Variants in HINT3 observed in about 807,000 individuals in gnomAD.
The protein encoded by HINT3 is histidine triad nucleotide binding protein 3.
In HINT3, 16 loss-of-function variants were observed where a neutral mutation model predicts 19.1. The observed-to-expected ratio is 0.84, with a 90% CI of 0.57 to 1.27. HINT3 has a LOEUF of 1.27. HINT3 is among the 50% of genes most tolerant of loss of function. HINT3 has a pLI of 0.00. For synonymous variants in HINT3, 75 were observed against 84.8 expected (o/e 0.88, Z 0.63); for missense variants, 197 against 225.8 (o/e 0.87, Z 0.82).
Position 125,979,917 on chromosome 6 carries a change from G to C in HINT3, c.*2241G>C, listed in dbSNP as rs1789227234. 1 of 152,258 alleles carries C rather than the reference G, an allele frequency of 6.6e-6. No individual in the cohort carries two copies. The highest frequency in any genetic ancestry group is 6.5e-5 in the Admixed American group (1 of 15,276). 9.4% of individuals were successfully genotyped at this position (152,258 alleles called of 1,614,324 possible). Reference sequence around the variant, plus strand: ...ATCAGACGAGATCGGGCGCGTTCAGGGTGGTATGGCCGTAGACAACCTATT... The same window carrying C: ...ATCAGACGAGATCGGGCGCGTTCAGCGTGGTATGGCCGTAGACAACCTATT... On this transcript the variant is annotated 3_prime_UTR_variant, in exon 5 of 5. Transcript: ENST00000229633.
At chr6:125,962,165 T>TATATATATATATATATATATACAC (rs1426106038) in intron 1 of HINT3, among the ~76,000 whole-genome samples, 19 of 10,592 alleles carry the variant, frequency 1.8e-3, no homozygotes, top group Non-Finnish European at 2.3e-3. Flanking sequence ...TATATACACA[T>TATATATATATATATATATATACAC]ATATATATAT....
At chr6:125,961,643 G>A (rs996954018) in intron 1 of HINT3, among the ~76,000 whole-genome samples, 1 of 152,178 alleles carries the variant, frequency 6.6e-6, no homozygotes, top group African/African-American at 2.4e-5. Flanking sequence ...ATAGCCCAAA[G>A]TATGGGGAAA....
At chr6:125,976,358 T>C (rs1789178305) in intron 4 of HINT3, among the ~76,000 whole-genome samples, 2 of 151,848 alleles carry the variant, frequency 1.3e-5, no homozygotes, top group Non-Finnish European at 2.9e-5. Flanking sequence ...CTGTAGTGAG[T>C]GATCATGCCA....
In HINT3 at chr6:125,957,112, C is replaced by T. The variant is rs1357596902; in HGVS notation, c.135C>T (p.Asp45=). The T allele has an allele frequency of 2.6e-6, 4 of 1,550,756 alleles. No individual in the cohort carries two copies. The highest frequency in any genetic ancestry group is 3.5e-6 in the Non-Finnish European group (4 of 1,146,842). Residue 45 remains aspartate, a synonymous_variant, in exon 1 of 5, where the codon GAC becomes GAT. Transcript: ENST00000229633. ...AGTCACCAGAGCCCAAGGACTACGA[C>T]AGCACCTGCGTGTTCTGCCGGATCG... ...AGKSPEPKDY[D]STCVFCRIAG... is the part of the protein sequence containing the mutation.
At chr6:125,964,973 A>G (rs1788999023) in intron 1 of HINT3, among the ~76,000 whole-genome samples, 1 of 152,116 alleles carries the variant, frequency 6.6e-6, no homozygotes. Context: ...AAGTTTCTAT[A>G]TTTTTGAGAG....
chr6:125,972,896 A>G (rs972819826), intron 3 of HINT3, among the ~76,000 whole-genome samples: 3 of 151,790 alleles, frequency 2.0e-5, no homozygotes, highest in South Asian at 4.2e-4. Context: ...CAGCAAATCT[A>G]CTTTTCTTTG....
chr6:125,964,370 T>C (rs1788987255), intron 1 of HINT3, among the ~76,000 whole-genome samples: 1 of 148,976 alleles, frequency 6.7e-6, no homozygotes, highest in Non-Finnish European at 1.5e-5. Context: ...AAATCTAGCA[T>C]CCATTCTCTT....
At position 125,967,049 on chromosome 6, in the gene HINT3, G is replaced by C. The variant is rs1377415878; in HGVS notation, c.319+45G>C. The C allele has an allele frequency of 2.5e-6, 3 of 1,193,752 alleles. No individual in the cohort carries two copies. In the South Asian group the frequency reaches 3.9e-5, roughly 15 times the overall value. The allele number at this position is 1,193,752 out of a possible 1,614,324, so 73.9% of individuals were successfully genotyped here. A position where few individuals can be genotyped will look rare whatever the true frequency, so the allele number is the denominator to read the frequency against. ...CTTCATGTTTATATCATTTTCAGTT[G>C]GTATCAGTGATGGCAGTGAAGATTA... On this transcript the variant is annotated intron_variant, in intron 2 of 4. Coordinates refer to ENST00000229633, the MANE Select transcript of HINT3 (RefSeq NM_138571.5).
At chr6:125,961,717 C>G (rs1788929636) in intron 1 of HINT3, among the ~76,000 whole-genome samples, 1 of 152,170 alleles carries the variant, frequency 6.6e-6, no homozygotes, top group South Asian at 2.1e-4. Flanking sequence ...ATGAGTTCAG[C>G]TATTCAGAAG....
intron 3 of HINT3, among the ~76,000 whole-genome samples, chr6:125,974,104 T>A (rs1250259408): frequency 6.6e-6 from 1 of 152,220 alleles, no homozygotes; most frequent in African/African-American, 2.4e-5. Flanking sequence ...TTCCACTCAC[T>A]GATACCTTGA....
In HINT3 at chr6:125,977,659, G is replaced by GA. The variant is rs773941060; in HGVS notation, c.537dup (p.Leu180ThrfsTer19). 5.3e-6 allele frequency: 8 copies of GA among 1,517,598 alleles called. No homozygotes were observed. The highest frequency in any genetic ancestry group is 6.3e-6 in the Non-Finnish European group (7 of 1,116,266). The allele number at this position is 1,517,598 out of a possible 1,614,324, so 94.0% of individuals were successfully genotyped here. A position where few individuals can be genotyped will look rare whatever the true frequency, so the allele number is the denominator to read the frequency against. On this transcript the variant is annotated frameshift_variant, in exon 5 of 5. Coordinates refer to ENST00000229633, the MANE Select transcript of HINT3 (RefSeq NM_138571.5). LOFTEE classifies it high-confidence loss of function. ...TTAATTACAGGCTGATCACTTGATTGAAAAACTAAGAACATGAAAATGTCA... is the reference window on the plus strand; with the variant it reads ...TTAATTACAGGCTGATCACTTGATTGAAAAAACTAAGAACATGAAAATGTCA...
At chr6:125,961,155 C>T (rs1321599192) in intron 1 of HINT3, among the ~76,000 whole-genome samples, 2 of 152,104 alleles carry the variant, frequency 1.3e-5, no homozygotes, top group African/African-American at 2.4e-5. Context: ...AAGACATGAT[C>T]AGTACTTTCA....
rs1331925405 is a variant in HINT3, at chr6:125,957,047, A to G, written c.70A>G (p.Thr24Ala). Residue 24 changes from threonine (T) to alanine (A), a missense_variant, in exon 1 of 5, where the codon ACT becomes GCT. Coordinates refer to ENST00000229633, the MANE Select transcript of HINT3 (RefSeq NM_138571.5). The stretch of plus-strand genomic sequence containing the variant: ...CTGTGAGGCCTCGGCGACTGCAGAA[A>G]CTACGGTTTCCTCAGTGGGGACCTG... Reference protein sequence around the residue: ...PDCEASATAETTVSSVGTCEA... With the variant: ...PDCEASATAEATVSSVGTCEA... The G allele has an allele frequency of 6.4e-7, 1 of 1,550,798 alleles. No homozygotes were observed.
intron 1 of HINT3, among the ~76,000 whole-genome samples, chr6:125,962,299 TATATATATC>T: frequency 2.7e-5 from 1 of 37,528 alleles, no homozygotes; most frequent in Non-Finnish European, 4.1e-5. Context: ...CATATATATA[TATATATATC>T]ACACATATAT....
rs748153797 is a variant in HINT3 at position 125,977,651 on chromosome 6, A to G, written c.524A>G (p.His175Arg). The G allele has an allele frequency of 6.7e-7, 1 of 1,500,652 alleles. No homozygotes were observed. The allele number at this position is 1,500,652 out of a possible 1,614,324, so 93.0% of individuals were successfully genotyped here. A position where few individuals can be genotyped will look rare whatever the true frequency, so the allele number is the denominator to read the frequency against. ...TATGTTTTTTAATTACAGGCTGATC[A>G]CTTGATTGAAAAACTAAGAACATGA... ...VNSYWFITAD[H>R]LIEKLRT The change falls in exon 5 of 5, where the codon CAC becomes CGC. Residue 175 changes from histidine to arginine, a missense_variant. His to Arg is a conservative substitution (Grantham distance 29). Transcript: ENST00000229633.
At chr6:125,976,517 G>A (rs1366836211) in intron 4 of HINT3, among the ~76,000 whole-genome samples, 1 of 113,100 alleles carries the variant, frequency 8.8e-6, no homozygotes, top group Non-Finnish European at 1.9e-5. Context: ...GCTGGTTTGG[G>A]TTTTTTTTTT....
intron 4 of HINT3, among the ~76,000 whole-genome samples, chr6:125,975,581 G>T (rs1583592238): frequency 7.0e-6 from 1 of 143,616 alleles, no homozygotes; most frequent in African/African-American, 2.6e-5. Flanking sequence ...TGGCTGAAGA[G>T]TTGTTTTTTT....
chr6:125,974,754 T>G, intron 3 of HINT3, 93 bp from the exon 4 acceptor site: 1 of 1,258,792 alleles, frequency 7.9e-7, no homozygotes, highest in Non-Finnish European at 1.1e-6. Context: ...TAGGTACTTA[T>G]TTTGGATCTC....
In HINT3 at chr6:125,957,443, C is replaced by A. The variant is rs184522644; in HGVS notation, c.201+265C>A. Among the ~76,000 whole-genome samples the A allele has an allele frequency of 4.2e-3, 638 of 152,314 alleles. 4 individuals carry two copies. The highest frequency in any genetic ancestry group is 0.014 in the African/African-American group (598 of 41,566). On this transcript the variant is annotated intron_variant, in intron 1 of 4. Coordinates refer to ENST00000229633, the MANE Select transcript of HINT3 (RefSeq NM_138571.5). ...GCTCCAGCGGTATCTTTGCTGTTCC[C>A]AGGGGCAAAGAGTGAATGACAGGGC... is the stretch of plus-strand genomic sequence containing the variant.
Sources: allele counts gnomAD v4.1 joint callset (sites outside exome capture counted in the v4.1 genomes callset), GRCh38; gene constraint gnomAD v4.1.1; transcripts MANE v1.5; gene names NCBI Gene and HGNC (gene_info 2026-07-23, HGNC 2026-07-21).